The following CHGB variants were observed in gnomAD, a reference collection of about 807,000 sequenced individuals.
CHGB encodes secretogranin-1.
Under a neutral mutation model 69.9 loss-of-function variants are expected in CHGB, and 46 were observed. That is an observed-to-expected ratio of 0.66 (90% CI 0.52 to 0.84). The LOEUF (loss-of-function observed/expected upper bound fraction) is 0.84. Among genes scored for constraint, CHGB ranks in the 40% least tolerant of loss-of-function variants. CHGB has a pLI of 0.00. For synonymous variants in CHGB, 312 were observed against 298.2 expected, an observed-to-expected ratio of 1.05 and a Z score of -0.48; for missense variants, 796 against 822.2, an observed-to-expected ratio of 0.97 and a Z score of 0.39.
rs2088529480 is a variant in CHGB at position 5,923,416 on chromosome 20, G to A, written c.1272G>A (p.Gly424=). 1 of 1,613,886 alleles carries A rather than the reference G, an allele frequency of 6.2e-7. No individual in the cohort carries two copies. Among genetic ancestry groups the A allele is most frequent in the African/African-American group, 1.3e-5 (1 of 74,894 alleles). The change falls in exon 4 of 5, where the codon GGG becomes GGA. Residue 424 remains glycine, a synonymous_variant. Coordinates refer to ENST00000378961, the MANE Select transcript of CHGB (RefSeq NM_001819.3). ...GKGRHHRGRG[G]EPRAYFMSDT... ...GACGCCATCACAGAGGCAGGGGAGG[G>A]GAGCCACGTGCCTATTTCATGTCTG...
Position 5,923,707 on chromosome 20 carries a change from G to C in CHGB, c.1563G>C (p.Leu521=). The C allele has an allele frequency of 3.7e-6, 6 of 1,614,096 alleles. No individual in the cohort carries two copies. Among genetic ancestry groups the C allele is most frequent in the Non-Finnish European group, 5.1e-6 (6 of 1,180,024 alleles). The change falls in exon 4 of 5, where the codon CTG becomes CTC. Residue 521 remains leucine, a synonymous_variant. Transcript: ENST00000378961. The stretch of plus-strand genomic sequence containing the variant: ...AAAAGAGGAAGAGATTAGGGGAACT[G>C]TTCAACCCATACTACGACCCTCTCC... The part of the protein sequence containing the change: ...TAEKRKRLGE[L]FNPYYDPLQW...
In CHGB at chr20:5,923,959, C is replaced by G. The variant is rs769689459; in HGVS notation, c.1815C>G (p.Ala605=). The change falls in exon 4 of 5, where the codon GCC becomes GCG. Residue 605 remains alanine (A), a synonymous_variant. Coordinates refer to ENST00000378961, the MANE Select transcript of CHGB (RefSeq NM_001819.3). ...LDLKRQYDRV[A]QLDQLLHYRK... ...TGAAAAGGCAATATGACAGGGTGGC[C>G]CAACTGGACCAGCTCCTTCACTACA... 1 of 1,613,968 alleles carries G rather than the reference C, an allele frequency of 6.2e-7. No individual in the cohort carries two copies. Among genetic ancestry groups the G allele is most frequent in the East Asian group, 2.2e-5 (1 of 44,870 alleles).
intron 1 of CHGB, among the ~76,000 whole-genome samples, chr20:5,914,249 A>AATC: frequency 6.6e-6 from 1 of 152,318 alleles, no homozygotes; most frequent in East Asian, 1.9e-4. Context: ...TGTTGTCACA[A>AATC]ATTTTACCGG....
At chr20:5,915,608 G>T (rs370344541) in intron 1 of CHGB, 95 of 152,350 alleles carry the variant, frequency 6.2e-4, no homozygotes, top group African/African-American at 1.9e-3. Flanking sequence ...TAAGTTTTGG[G>T]AGGATATATT....
In CHGB at chr20:5,922,578, A is replaced by G. The variant is rs750417629; in HGVS notation, c.434A>G (p.Asp145Gly). 13 of 1,614,004 alleles carry G rather than the reference A, an allele frequency of 8.1e-6. No homozygotes were observed. The Admixed American group carries it at 2.2e-4, about 27-fold the overall frequency. The change falls in exon 4 of 5, where the codon GAC (aspartate) becomes GGC (glycine). Residue 145 changes from aspartate (D) to glycine (G), a missense_variant. Coordinates refer to ENST00000378961, the MANE Select transcript of CHGB (RefSeq NM_001819.3). ...DEPQWSLYPS[D>G]SQVSEEVKTR... Reference sequence around the variant, plus strand: ...CCCCAGTGGAGCCTCTATCCCTCCGACAGCCAAGTCTCTGAAGAAGTGAAG... The same window carrying G: ...CCCCAGTGGAGCCTCTATCCCTCCGGCAGCCAAGTCTCTGAAGAAGTGAAG...
In CHGB at chr20:5,917,013, C is replaced by T. The variant is rs1027275609; in HGVS notation, c.190+94C>T. The T allele has an allele frequency of 3.5e-5, 41 of 1,160,984 alleles. No homozygotes were observed. The Admixed American group carries it at 7.0e-4, about 20-fold the overall frequency. 71.9% of individuals were successfully genotyped at this position (1,160,984 alleles called of 1,614,324 possible). A position where few individuals can be genotyped will look rare whatever the true frequency, so the allele number is the denominator to read the frequency against. On this transcript the variant is annotated intron_variant, in intron 3 of 4. Transcript: ENST00000378961. ...ACCTTCTACTTTATCTACAAATGAC[C>T]TGGGGGCATAATGCACTAGGAAGAG...
At position 5,922,840 on chromosome 20, in the gene CHGB, A is replaced by G. The variant is rs2088523679; in HGVS notation, c.696A>G (p.Arg232=). The G allele has an allele frequency of 6.2e-7, 1 of 1,614,100 alleles. No homozygotes were observed. The highest frequency in any genetic ancestry group is 1.1e-5 in the South Asian group (1 of 91,080). ...ATTCTCAGGAGAAGACACATAGCCG[A>G]GAGAAGAGTAGCCAGGAGAGTGGAG... ...AGHSQEKTHS[R]EKSSQESGEE... is the part of the protein sequence containing the mutation. Residue 232 remains arginine, a synonymous_variant, in exon 4 of 5, where the codon CGA becomes CGG. Transcript: ENST00000378961.
At chr20:5,920,443 C>T (rs964284009) in intron 3 of CHGB, among the ~76,000 whole-genome samples, 2 of 152,178 alleles carry the variant, frequency 1.3e-5, no homozygotes, top group African/African-American at 2.4e-5. Context: ...TTACAGCAGT[C>T]GGAAGTCCAA....
chr20:5,922,148 T>G (rs2088517521), intron 3 of CHGB, among the ~76,000 whole-genome samples, 187 bp from the exon 4 acceptor site: 1 of 152,184 alleles, frequency 6.6e-6, no homozygotes, highest in South Asian at 2.1e-4. Flanking sequence ...TATTACCAGA[T>G]TTAAACACAG....
rs781260806 is a variant in CHGB at position 5,923,510 on chromosome 20, G to A, written c.1366G>A (p.Ala456Thr). 2 of 1,614,156 alleles carry A rather than the reference G, an allele frequency of 1.2e-6. No homozygotes were observed. The highest frequency in any genetic ancestry group is 3.3e-5 in the Admixed American group (2 of 60,028). The change falls in exon 4 of 5, where the codon GCA (alanine) becomes ACA (threonine). Residue 456 changes from alanine (A) to threonine (T), a missense_variant. Transcript: ENST00000378961. ...TGTCCAAGAAAACCAGATGGACAAG[G>A]CAAGGAGGCATCCACAAGGTGCGTG... ...HRVQENQMDK[A>T]RRHPQGAWKE...
At chr20:5,919,224 C>T (rs531019873) in intron 3 of CHGB, among the ~76,000 whole-genome samples, 1 of 152,318 alleles carries the variant, frequency 6.6e-6, no homozygotes, top group East Asian at 1.9e-4. Flanking sequence ...TAGATTATGG[C>T]ATAGTAACTC....
At chr20:5,919,954 T>C (rs1005923875) in intron 3 of CHGB, among the ~76,000 whole-genome samples, 4 of 152,266 alleles carry the variant, frequency 2.6e-5, no homozygotes, top group Non-Finnish European at 4.4e-5. Context: ...AGACGTAGTC[T>C]AATTTCTTCA....
intron 3 of CHGB, among the ~76,000 whole-genome samples, chr20:5,920,822 T>A (rs2088509504): frequency 6.6e-6 from 1 of 152,248 alleles, no homozygotes; most frequent in African/African-American, 2.4e-5. Context: ...CTCTCAGATG[T>A]CTGGAAAAGG....
intron 1 of CHGB, 161 bp from the exon 2 acceptor site, chr20:5,916,165 A>T (rs1372607472): frequency 6.4e-6 from 4 of 626,496 alleles, no homozygotes; most frequent in African/African-American, 5.5e-5. Flanking sequence ...TGTGGTCTAG[A>T]TTTGATTTAT....
At position 5,923,303 on chromosome 20, in the gene CHGB, A is replaced by T. The variant is rs777757301; in HGVS notation, c.1159A>T (p.Arg387Ter). ...SEESWDEEDKRNYPSLELDKM... is the reference protein window; with the variant it reads ...SEESWDEEDK Reference sequence around the variant, plus strand: ...GGAGAGTTGGGATGAGGAGGACAAGAGAAACTACCCCAGCTTAGAGCTTGA... The same window carrying T: ...GGAGAGTTGGGATGAGGAGGACAAGTGAAACTACCCCAGCTTAGAGCTTGA... The change falls in exon 4 of 5, where the codon AGA becomes TGA. Residue 387 changes from arginine (R) to a stop codon, truncating the protein, a stop_gained. Transcript: ENST00000378961. LOFTEE classifies it high-confidence loss of function. 2 of 1,613,664 alleles carry T rather than the reference A, an allele frequency of 1.2e-6. No homozygotes were observed. Among genetic ancestry groups the T allele is most frequent in the Non-Finnish European group, 8.5e-7 (1 of 1,180,026 alleles).
intron 1 of CHGB, among the ~76,000 whole-genome samples, chr20:5,912,828 A>G (rs1392724443): frequency 1.3e-5 from 2 of 152,194 alleles, no homozygotes; most frequent in Non-Finnish European, 2.9e-5. Flanking sequence ...ATCCATGAAT[A>G]TGAAGCTTTT....
Position 5,911,523 on chromosome 20 carries a change from C to A in CHGB, c.-111C>A. ...GCCGGCCGCGCCACACCGCGGGGAC[C>A]AGGAGGCACGCTGGTTTTCCGGGGC... On this transcript the variant is annotated 5_prime_UTR_variant, in exon 1 of 5. Transcript: ENST00000378961. The A allele has an allele frequency of 1.7e-6, 2 of 1,187,596 alleles. No homozygotes were observed. The highest frequency in any genetic ancestry group is 2.7e-4 in the Middle Eastern group (1 of 3,650). 73.6% of individuals were successfully genotyped at this position (1,187,596 alleles called of 1,614,324 possible).
Position 5,923,110 on chromosome 20 carries a change from G to T in CHGB, c.966G>T (p.Gly322=). ...CAAACGTCAGCATGGCCAGTTTAGG[G>T]GAAAAGAGGGACCACCATTCAACCC... ...EESNVSMASL[G]EKRDHHSTHY... is the part of the protein sequence containing the mutation. The change falls in exon 4 of 5, where the codon GGG becomes GGT. Residue 322 remains glycine, a synonymous_variant. Coordinates refer to ENST00000378961, the MANE Select transcript of CHGB (RefSeq NM_001819.3). The T allele has an allele frequency of 6.2e-7, 1 of 1,614,134 alleles. No homozygotes were observed. Among genetic ancestry groups the T allele is most frequent in the Non-Finnish European group, 8.5e-7 (1 of 1,180,016 alleles).
At chr20:5,916,143 C>A in intron 1 of CHGB, 183 bp from the exon 2 acceptor site, 1 of 601,128 alleles carries the variant, frequency 1.7e-6, no homozygotes, top group Non-Finnish European at 3.0e-6. Context: ...CCCCAGAAGT[C>A]CCCTCCTTGT....
Sources: allele counts gnomAD v4.1 joint callset (sites outside exome capture counted in the v4.1 genomes callset), GRCh38; gene constraint gnomAD v4.1.1; transcripts MANE v1.5; gene names NCBI Gene and HGNC (gene_info 2026-07-23, HGNC 2026-07-21).